PAQR3: variants seen among roughly 807,000 people sequenced by gnomAD.
PAQR3 encodes the protein Raf kinase trapping to Golgi.
Under a neutral mutation model 41.7 loss-of-function variants are expected in PAQR3, and 39 were observed. The observed-to-expected ratio is 0.93, with a 90% CI of 0.72 to 1.22. The LOEUF (loss-of-function observed/expected upper bound fraction) is 1.22, where lower values mean the gene tolerates loss of function less well. PAQR3 is among the 50% of genes most tolerant of loss of function. The pLI, the probability that PAQR3 is intolerant of heterozygous loss-of-function variation, is 0.00. For missense variants in PAQR3, 366 were observed against 385.6 expected (o/e 0.95, Z 0.42); for synonymous variants, 140 against 140.6 (o/e 1.00, Z 0.03).
intron 3 of PAQR3, among the ~76,000 whole-genome samples, chr4:78,929,657 C>T (rs1409230559): frequency 6.6e-6 from 1 of 152,166 alleles, no homozygotes; most frequent in Non-Finnish European, 1.5e-5. Flanking sequence ...GTCTGTCTTA[C>T]AAGCCTACCC....
chr4:78,912,171 C>A lies in PAQR3; in HGVS notation c.*8368G>T. The stretch of plus-strand genomic sequence containing the variant: ...TCAGAATAGGTGATTTCTAAATAAA[C>A]CAAATAGAAGAATGAAGTATCTCTA... On this transcript the variant is annotated 3_prime_UTR_variant, in exon 6 of 6. Coordinates refer to ENST00000512733, the MANE Select transcript of PAQR3 (RefSeq NM_001040202.2). The A allele has an allele frequency of 3.8e-6, 3 of 786,274 alleles. No individual in the cohort carries two copies. The highest frequency in any genetic ancestry group is 1.8e-5 in the South Asian group (1 of 55,044). The allele number at this position is 786,274 out of a possible 1,614,324, so 48.7% of individuals were successfully genotyped here. A position where few individuals can be genotyped will look rare whatever the true frequency, so the allele number is the denominator to read the frequency against.
chr4:78,927,664 T>C (rs1358324128), intron 3 of PAQR3, among the ~76,000 whole-genome samples: 1 of 152,222 alleles, frequency 6.6e-6, no homozygotes, highest in Non-Finnish European at 1.5e-5. Flanking sequence ...CCAGTTTTGC[T>C]GTGTGTGTGA....
rs1047953045 is a variant in PAQR3 at position 78,912,921 on chromosome 4, A to G, written c.*7618T>C. On this transcript the variant is annotated 3_prime_UTR_variant, in exon 6 of 6. Transcript: ENST00000512733. ...ACTTTATGCATGGCTTCTTGCCCCA[A>G]ACTTTTATTGTGATGGCCCTAATAA... is the stretch of plus-strand genomic sequence containing the variant. 11 of 152,182 alleles carry G rather than the reference A, an allele frequency of 7.2e-5. No homozygotes were observed. Among genetic ancestry groups the G allele is most frequent in the African/African-American group, 2.2e-4 (9 of 41,442 alleles). The allele number at this position is 152,182 out of a possible 1,614,324, so 9.4% of individuals were successfully genotyped here. A position where few individuals can be genotyped will look rare whatever the true frequency, so the allele number is the denominator to read the frequency against.
Position 78,912,025 on chromosome 4 carries a change from A to G in PAQR3, c.*8514T>C. Reference sequence around the variant, plus strand: ...ATTTGGTGCTGCTCCATTTCCTTCTAAACAGTAGATACTTCTGATGGATTC... The same window carrying G: ...ATTTGGTGCTGCTCCATTTCCTTCTGAACAGTAGATACTTCTGATGGATTC... On this transcript the variant is annotated 3_prime_UTR_variant, in exon 6 of 6. Transcript: ENST00000512733. 1.9e-6 allele frequency: 3 copies of G among 1,605,840 alleles called. No individual in the cohort carries two copies. Among genetic ancestry groups the G allele is most frequent in the Non-Finnish European group, 2.6e-6 (3 of 1,175,020 alleles).
intron 12 of PAQR3, chr4:78,887,978 G>T (rs1733192769): frequency 6.6e-6 from 1 of 152,190 alleles, no homozygotes; most frequent in Non-Finnish European, 1.5e-5. Context: ...CTTCAGTTCT[G>T]TTCCTTTTGT....
chr4:78,934,364 C>A (rs146868325), intron 2 of PAQR3, among the ~76,000 whole-genome samples: 1 of 152,136 alleles, frequency 6.6e-6, no homozygotes, highest in Non-Finnish European at 1.5e-5. Context: ...CAGCAACAGG[C>A]TAACTGCAGG....
chr4:78,906,839 C>T (rs1260878099), intron 10 of PAQR3, among the ~76,000 whole-genome samples: 1 of 152,160 alleles, frequency 6.6e-6, no homozygotes, highest in Non-Finnish European at 1.5e-5. Context: ...TAAGTCCTTT[C>T]TTCACAATAG....
rs1363417323 is a variant in PAQR3, at chr4:78,889,839, C to T, written c.*837-1691G>A. ...TAAACAGAATTTAATTTTTAGTAAA[C>T]CATATAGAGAATGCTACTTGAGAAT... On this transcript the variant is annotated intron_variant and NMD_transcript_variant, in intron 11 of 12. Coordinates refer to the PAQR3 transcript ENST00000342820. Among the ~76,000 whole-genome samples, 4 of 152,226 alleles carry T rather than the reference C, an allele frequency of 2.6e-5. No individual in the cohort carries two copies. In the East Asian group the frequency reaches 7.7e-4, roughly 29 times the overall value.
chr4:78,928,671 A>T (rs1202858633), intron 3 of PAQR3, among the ~76,000 whole-genome samples: 1 of 152,218 alleles, frequency 6.6e-6, no homozygotes, highest in Non-Finnish European at 1.5e-5. Context: ...CGTTTCTGGC[A>T]CCAGGGACTG....
downstream of PAQR3, chr4:78,911,823 T>C: frequency 1.2e-6 from 2 of 1,613,962 alleles, no homozygotes; most frequent in East Asian, 4.5e-5. Flanking sequence ...GCGACATCCG[T>C]GCTGATCACA....
At chr4:78,937,269 T>G (rs1175382491) in intron 1 of PAQR3, among the ~76,000 whole-genome samples, 3 of 152,182 alleles carry the variant, frequency 2.0e-5, no homozygotes, top group Non-Finnish European at 4.4e-5. Flanking sequence ...GGGTGCTAAG[T>G]AAAAATGCTA....
downstream of PAQR3, among the ~76,000 whole-genome samples, chr4:78,907,652 T>A (rs1734354495): frequency 6.6e-6 from 1 of 152,220 alleles, no homozygotes; most frequent in Non-Finnish European, 1.5e-5. Context: ...TAGATTCTTT[T>A]GTGTAGGACT....
intron 2 of PAQR3, among the ~76,000 whole-genome samples, chr4:78,934,104 G>T (rs201979712): frequency 7.5e-6 from 1 of 133,708 alleles, no homozygotes; most frequent in African/African-American, 2.9e-5. Context: ...TATTTTTAAA[G>T]AATATTTGAA....
chr4:78,920,381 C>T lies in PAQR3; in HGVS notation c.*158G>A. On this transcript the variant is annotated 3_prime_UTR_variant, in exon 6 of 6. Transcript: ENST00000512733. Reference sequence around the variant, plus strand: ...GGATTTTGTAAAGCAGTTATTACTACAGATCCTTAAGTATACTTTTTTTCC... The same window carrying T: ...GGATTTTGTAAAGCAGTTATTACTATAGATCCTTAAGTATACTTTTTTTCC... The T allele has an allele frequency of 1.6e-6, 2 of 1,268,144 alleles. No individual in the cohort carries two copies. The highest frequency in any genetic ancestry group is 2.0e-6 in the Non-Finnish European group (2 of 1,007,032). The allele number at this position is 1,268,144 out of a possible 1,614,324, so 78.6% of individuals were successfully genotyped here.
At chr4:78,911,559 A>G (rs1399345356), downstream of PAQR3, 3 of 1,614,068 alleles carry the variant, frequency 1.9e-6, no homozygotes, top group Non-Finnish European at 1.7e-6. Flanking sequence ...CAACTAGCAC[A>G]AAGAAGACTT....
chr4:78,938,767 T>A (rs1737710619), intron 1 of PAQR3, among the ~76,000 whole-genome samples: 1 of 151,940 alleles, frequency 6.6e-6, no homozygotes, highest in Non-Finnish European at 1.5e-5. Context: ...ACAAACCGAA[T>A]AAAGGATGTA....
chr4:78,927,665 G>A (rs1176923836), intron 3 of PAQR3, among the ~76,000 whole-genome samples: 1 of 152,236 alleles, frequency 6.6e-6, no homozygotes, highest in Non-Finnish European at 1.5e-5. Context: ...CAGTTTTGCT[G>A]TGTGTGTGAT....
intron 4 of PAQR3, among the ~76,000 whole-genome samples, chr4:78,925,736 T>C (rs929080518): frequency 3.3e-5 from 5 of 152,178 alleles, no homozygotes; most frequent in Admixed American, 2.0e-4. Context: ...TTCTGTCAGA[T>C]TTCTTGGCCT....
rs1213118274 is a variant in PAQR3 at position 78,916,695 on chromosome 4, C to T, written c.*3844G>A. The T allele has an allele frequency of 6.6e-6, 1 of 151,872 alleles. No homozygotes were observed. Among genetic ancestry groups the T allele is most frequent in the African/African-American group, 2.4e-5 (1 of 41,410 alleles). The allele number at this position is 151,872 out of a possible 1,614,324, so 9.4% of individuals were successfully genotyped here. A position where few individuals can be genotyped will look rare whatever the true frequency, so the allele number is the denominator to read the frequency against. On this transcript the variant is annotated 3_prime_UTR_variant, in exon 6 of 6. Coordinates refer to ENST00000512733, the MANE Select transcript of PAQR3 (RefSeq NM_001040202.2). ...AGTGCCTTCTGAATAACTTATTTTA[C>T]AGCTTCCACATTATAAATTTTTAAA... is the stretch of plus-strand genomic sequence containing the variant.
Sources: gnomAD v4.1 joint callset for allele counts (sites outside exome capture counted in the v4.1 genomes callset) on GRCh38, gnomAD v4.1.1 for gene constraint, MANE v1.5 for transcripts, NCBI Gene and HGNC (gene_info 2026-07-23, HGNC 2026-07-21) for gene names.